The following SETBP1 variants were observed in gnomAD, a reference collection of about 807,000 sequenced individuals.
SETBP1 encodes the protein SET-binding protein.
A neutral mutation model predicts 101.0 loss-of-function variants in SETBP1; 9 were observed. That is an observed-to-expected ratio of 0.09 (90% CI 0.05 to 0.16). The LOEUF (loss-of-function observed/expected upper bound fraction) is 0.16, where lower values mean the gene tolerates loss of function less well. Ranked by LOEUF, SETBP1 falls within the 10% of genes least tolerant of loss-of-function variation. The probability of loss-of-function intolerance (pLI) is 1.00; values close to 1 mark genes in which losing one functional copy is unlikely to be tolerated. For synonymous variants in SETBP1, 818 were observed against 788.5 expected (o/e 1.04, Z -0.63); for missense variants, 1,858 against 2,033.8 (o/e 0.91, Z 1.66).
At chr18:44,725,275 A>C (rs977030038) in intron 2 of SETBP1, among the ~76,000 whole-genome samples, 1 of 152,118 alleles carries the variant, frequency 6.6e-6, no homozygotes, top group East Asian at 1.9e-4. Context: ...TTGGGGAATA[A>C]TTTCATATAA....
Position 44,950,078 on chromosome 18 carries a change from A to G in SETBP1, c.738A>G (p.Ala246=). 1 of 1,614,210 alleles carries G rather than the reference A, an allele frequency of 6.2e-7. No homozygotes were observed. The highest frequency in any genetic ancestry group is 8.5e-7 in the Non-Finnish European group (1 of 1,180,052). The stretch of plus-strand genomic sequence containing the variant: ...GTCCAGAGTCTGGCAGAGAAACTGC[A>G]AGCACCAGCAAGATCCCCGCTCTTG... The part of the protein sequence containing the change: ...FISPESGRET[A]STSKIPALEP... The change falls in exon 4 of 6, where the codon GCA becomes GCG. Residue 246 remains alanine, a synonymous_variant. Transcript: ENST00000649279.
At chr18:44,944,905 A>G (rs954077835) in intron 3 of SETBP1, among the ~76,000 whole-genome samples, 3 of 152,128 alleles carry the variant, frequency 2.0e-5, no homozygotes, top group African/African-American at 7.2e-5. Flanking sequence ...CATTTTTTGG[A>G]CTTTTAAGAT....
At chr18:44,797,517 C>T (rs2071505473) in intron 2 of SETBP1, among the ~76,000 whole-genome samples, 1 of 152,290 alleles carries the variant, frequency 6.6e-6, no homozygotes, top group Non-Finnish European at 1.5e-5. Flanking sequence ...CTACCCTGTC[C>T]CTACCCCTGG....
At chr18:44,791,689 G>T (rs1204751316) in intron 2 of SETBP1, among the ~76,000 whole-genome samples, 1 of 152,098 alleles carries the variant, frequency 6.6e-6, no homozygotes, top group Non-Finnish European at 1.5e-5. Flanking sequence ...GTCTAAGGTT[G>T]AAACCAAAAG....
chr18:44,787,650 C>T (rs1380105698), intron 2 of SETBP1, among the ~76,000 whole-genome samples: 1 of 148,302 alleles, frequency 6.7e-6, no homozygotes, highest in Non-Finnish European at 1.5e-5. Flanking sequence ...GTCAGGAGAT[C>T]GAGACCATCC....
chr18:44,925,023 T>TG (rs2070671624), intron 3 of SETBP1, among the ~76,000 whole-genome samples: 4 of 147,648 alleles, frequency 2.7e-5, no homozygotes, highest in East Asian at 2.0e-4. Context: ...TTTTTTTTTT[T>TG]TTTTTTTTTT....
intron 5 of SETBP1, among the ~76,000 whole-genome samples, chr18:45,054,124 G>A (rs1051812684): frequency 3.3e-5 from 5 of 151,942 alleles, no homozygotes; most frequent in East Asian, 1.9e-4. Flanking sequence ...AAATGCCCTC[G>A]TATTTCTCAG....
intron 4 of SETBP1, among the ~76,000 whole-genome samples, chr18:45,012,550 T>C (rs1250943451): frequency 1.3e-5 from 2 of 152,076 alleles, no homozygotes; most frequent in African/African-American, 2.4e-5. Flanking sequence ...CTTTGCTAGC[T>C]CTAGGAATTC....
chr18:45,016,907 G>T (rs2072958489), intron 4 of SETBP1, among the ~76,000 whole-genome samples: 1 of 151,868 alleles, frequency 6.6e-6, no homozygotes, highest in Non-Finnish European at 1.5e-5. Context: ...ATTGTTCAAG[G>T]AGAGGAAGGA....
intron 4 of SETBP1, among the ~76,000 whole-genome samples, chr18:44,969,390 C>T (rs770998738): frequency 3.9e-5 from 6 of 152,150 alleles, no homozygotes; most frequent in Admixed American, 6.5e-5. Flanking sequence ...TCTTTAGGAA[C>T]GCAGTGCCCT....
At chr18:44,797,991 TC>T (rs1450422335) in intron 2 of SETBP1, among the ~76,000 whole-genome samples, 13 of 152,220 alleles carry the variant, frequency 8.5e-5, no homozygotes, top group African/African-American at 3.1e-4. Flanking sequence ...ATGAACACAT[TC>T]CCTGACATCT....
chr18:45,051,810 C>G (rs1403049664), intron 5 of SETBP1, among the ~76,000 whole-genome samples: 1 of 152,190 alleles, frequency 6.6e-6, no homozygotes, highest in African/African-American at 2.4e-5. Context: ...CTCCACTTCT[C>G]TTATGGAATG....
chr18:44,922,693 C>A (rs2070610104), intron 3 of SETBP1, among the ~76,000 whole-genome samples: 1 of 152,172 alleles, frequency 6.6e-6, no homozygotes, highest in South Asian at 2.1e-4. Flanking sequence ...TTTTTCTTGC[C>A]TAGCTGAAGT....
chr18:45,041,553 A>G (rs1024749320), intron 5 of SETBP1, among the ~76,000 whole-genome samples: 3 of 151,504 alleles, frequency 2.0e-5, no homozygotes, highest in Non-Finnish European at 4.4e-5. Flanking sequence ...TTGCAGGGAG[A>G]AAAAAAAAGG....
intron 2 of SETBP1, among the ~76,000 whole-genome samples, chr18:44,730,092 C>T (rs1000760421): frequency 2.6e-5 from 4 of 152,164 alleles, no homozygotes; most frequent in South Asian, 2.1e-4. Flanking sequence ...TAGAGTGGTG[C>T]GGCTGAGACC....
At chr18:44,906,972 C>T (rs2070190444) in intron 3 of SETBP1, among the ~76,000 whole-genome samples, 3 of 152,152 alleles carry the variant, frequency 2.0e-5, no homozygotes, top group Admixed American at 6.5e-5. Context: ...AATTCCAGAT[C>T]ATTTTCATCA....
intron 5 of SETBP1, among the ~76,000 whole-genome samples, chr18:45,045,512 T>C (rs1443839010): frequency 6.6e-6 from 1 of 151,196 alleles, no homozygotes; most frequent in Non-Finnish European, 1.5e-5. Flanking sequence ...TTTCCTGGAC[T>C]GTTAATAATC....
chr18:44,710,776 C>A (rs1481320081), intron 2 of SETBP1, among the ~76,000 whole-genome samples: 1 of 152,136 alleles, frequency 6.6e-6, no homozygotes, highest in African/African-American at 2.4e-5. Flanking sequence ...CTGCAATAAA[C>A]TAAAAATTTG....
At chr18:44,967,232 A>T (rs1415453105) in intron 4 of SETBP1, among the ~76,000 whole-genome samples, 4 of 152,352 alleles carry the variant, frequency 2.6e-5, no homozygotes, top group South Asian at 2.1e-4. Flanking sequence ...TTTCACCCAA[A>T]GATAACGGAA....
Sources: gnomAD v4.1 joint callset for allele counts (sites outside exome capture counted in the v4.1 genomes callset) on GRCh38, gnomAD v4.1.1 for gene constraint, MANE v1.5 for transcripts, NCBI Gene and HGNC (gene_info 2026-07-23, HGNC 2026-07-21) for gene names.